RNF2: variants seen among roughly 807,000 people sequenced by gnomAD.
RNF2 encodes E3 ubiquitin-protein ligase RING2.
In RNF2, 6 loss-of-function variants were observed where a neutral mutation model predicts 37.2. That is an observed-to-expected ratio of 0.16 (90% CI 0.09 to 0.32). The LOEUF (loss-of-function observed/expected upper bound fraction) is 0.32, where lower values mean the gene tolerates loss of function less well. RNF2 is among the 10% of genes least tolerant of loss of function. The probability of loss-of-function intolerance (pLI) is 1.00; values close to 1 mark genes in which losing one functional copy is unlikely to be tolerated. For missense variants in RNF2, 251 were observed against 404.0 expected (o/e 0.62, Z 3.25); for synonymous variants, 133 against 132.7 (o/e 1.00, Z -0.02).
chr1:185,083,499 C>T lies in RNF2; in HGVS notation c.-2-4053C>T, dbSNP rs913077946. Among the ~76,000 whole-genome samples the T allele has an allele frequency of 2.0e-4, 30 of 152,088 alleles. 1 individual carries two copies. The highest frequency in any genetic ancestry group is 1.4e-3 in the Admixed American group (22 of 15,264). On this transcript the variant is annotated intron_variant, in intron 1 of 6. Transcript: ENST00000367510. The stretch of plus-strand genomic sequence containing the variant: ...TCTCATGTCTCTCCCCTCCACTCTT[C>T]GCTTTCTCTCTCCTTCCCACTCAGG...
At chr1:185,047,824 T>C (rs899870302) in intron 1 of RNF2, among the ~76,000 whole-genome samples, 10 of 152,194 alleles carry the variant, frequency 6.6e-5, no homozygotes, top group African/African-American at 1.7e-4. Flanking sequence ...ACATCTACAA[T>C]TGGTTTTTAA....
rs917995198 is a variant in RNF2, at chr1:185,102,083, CAG to C, written c.*1787_*1788del. On this transcript the variant is annotated 3_prime_UTR_variant, in exon 7 of 7. Coordinates refer to ENST00000367510, the MANE Select transcript of RNF2 (RefSeq NM_007212.4). ...GATTAATTGAAATTTTGTCTTTAAG[CAG>C]AGAGTTATTTGTGACTATAAGCTTT... is the stretch of plus-strand genomic sequence containing the variant. 18 of 152,476 alleles carry C rather than the reference CAG, an allele frequency of 1.2e-4. 1 individual carries two copies. The highest frequency in any genetic ancestry group is 4.3e-4 in the African/African-American group (18 of 41,472). The allele number at this position is 152,476 out of a possible 1,614,324, so 9.4% of individuals were successfully genotyped here.
chr1:185,072,884 G>A (rs933472463), intron 1 of RNF2, among the ~76,000 whole-genome samples: 3 of 152,108 alleles, frequency 2.0e-5, no homozygotes, highest in African/African-American at 7.2e-5. Flanking sequence ...AAGTTGCAGT[G>A]AGCCGAGATT....
intron 2 of RNF2, among the ~76,000 whole-genome samples, chr1:185,090,477 A>C (rs1159064713): frequency 2.0e-5 from 3 of 152,174 alleles, no homozygotes; most frequent in Non-Finnish European, 4.4e-5. Flanking sequence ...AAAAATGAAA[A>C]TTTTTTATTT....
rs1295869440 is a variant in RNF2 at position 185,100,932 on chromosome 1, AT to A, written c.*635del. On this transcript the variant is annotated 3_prime_UTR_variant, in exon 7 of 7. Coordinates refer to ENST00000367510, the MANE Select transcript of RNF2 (RefSeq NM_007212.4). ...TTTTTTTCCATTCTTTTTCCCTGTA[AT>A]TTTGGAATTTCTGGTCCTGGGAAGA... The A allele has an allele frequency of 6.6e-6, 1 of 151,584 alleles. No individual in the cohort carries two copies. Among genetic ancestry groups the A allele is most frequent in the Non-Finnish European group, 1.5e-5 (1 of 67,800 alleles). 9.4% of individuals were successfully genotyped at this position (151,584 alleles called of 1,614,324 possible). A position where few individuals can be genotyped will look rare whatever the true frequency, so the allele number is the denominator to read the frequency against.
chr1:185,067,960 TG>T (rs1650849280), intron 1 of RNF2, among the ~76,000 whole-genome samples: 1 of 151,596 alleles, frequency 6.6e-6, no homozygotes, highest in Admixed American at 6.6e-5. Context: ...TCACCCGCCT[TG>T]GCCTTCCAAA....
Position 185,088,586 on chromosome 1 carries a change from C to G in RNF2, c.87+946C>G, listed in dbSNP as rs191873340. On this transcript the variant is annotated intron_variant, in intron 2 of 6. Transcript: ENST00000367510. ...AAAAAAAAAGCTAAAGGAAGTATTT[C>G]AAGGAGGATGTAGTTAAAGTGTTTA... Among the ~76,000 whole-genome samples the G allele has an allele frequency of 3.9e-3, 594 of 151,618 alleles. 3 individuals are homozygous for G. Among genetic ancestry groups the G allele is most frequent in the African/African-American group, 0.013 (554 of 41,404 alleles).
Position 185,076,268 on chromosome 1 carries a change from G to GTT in RNF2, c.-2-11245_-2-11244dup, listed in dbSNP as rs71101959. Among the ~76,000 whole-genome samples the GTT allele has an allele frequency of 5.5e-4, 15 of 27,344 alleles. 6 individuals carry two copies. Among genetic ancestry groups the GTT allele is most frequent in the Admixed American group, 7.9e-4 (2 of 2,534 alleles). The allele number at this position is 27,344 out of a possible 152,430, so 17.9% of individuals were successfully genotyped here. ...TTTTCTTCTAGATCTTTTATGGGTTGTTTTTTTTTTTTTTTTTTTTTTTTT... is the reference window on the plus strand; with the variant it reads ...TTTTCTTCTAGATCTTTTATGGGTTGTTTTTTTTTTTTTTTTTTTTTTTTTTT... On this transcript the variant is annotated intron_variant, in intron 1 of 6. Coordinates refer to ENST00000367510, the MANE Select transcript of RNF2 (RefSeq NM_007212.4).
chr1:185,097,330 C>T (rs888049543), intron 4 of RNF2, among the ~76,000 whole-genome samples: 1 of 152,140 alleles, frequency 6.6e-6, no homozygotes, highest in Non-Finnish European at 1.5e-5. Flanking sequence ...GCTGACTTGG[C>T]GGAAGGTCAG....
chr1:185,096,781 A>G (rs946017735), intron 4 of RNF2, among the ~76,000 whole-genome samples: 2 of 150,572 alleles, frequency 1.3e-5, no homozygotes, highest in South Asian at 2.1e-4. Flanking sequence ...GTTATTTAAC[A>G]TACTAGTCAT....
rs1650328865 is a variant in RNF2, at chr1:185,053,455, C to T, written c.-3+7806C>T. Among the ~76,000 whole-genome samples the T allele has an allele frequency of 3.9e-5, 6 of 152,154 alleles. No individual in the cohort carries two copies. In the South Asian group the frequency reaches 8.3e-4, roughly 21 times the overall value. ...GCTCAAGTGATCCTCCCGCCTCAGC[C>T]GCCTTTGTAGCTGAGATTATAGGAG... On this transcript the variant is annotated intron_variant, in intron 1 of 6. Transcript: ENST00000367510.
chr1:185,076,268 G>GTTTTTTTTTTTTTTTTTTTTTTTTTT lies in RNF2; in HGVS notation c.-2-11269_-2-11244dup, dbSNP rs71101959. On this transcript the variant is annotated intron_variant, in intron 1 of 6. Coordinates refer to ENST00000367510, the MANE Select transcript of RNF2 (RefSeq NM_007212.4). ...TTTTCTTCTAGATCTTTTATGGGTTGTTTTTTTTTTTTTTTTTTTTTTTTT... is the reference window on the plus strand; with the variant it reads ...TTTTCTTCTAGATCTTTTATGGGTTGTTTTTTTTTTTTTTTTTTTTTTTTTTTTTTTTTTTTTTTTTTTTTTTTTTT... 4.0e-4 allele frequency among the ~76,000 whole-genome samples: 11 copies of GTTTTTTTTTTTTTTTTTTTTTTTTTT among 27,346 alleles called. 5 individuals are homozygous for GTTTTTTTTTTTTTTTTTTTTTTTTTT. Among genetic ancestry groups the GTTTTTTTTTTTTTTTTTTTTTTTTTT allele is most frequent in the Non-Finnish European group, 6.1e-4 (8 of 13,184 alleles). The allele number at this position is 27,346 out of a possible 152,430, so 17.9% of individuals were successfully genotyped here. A position where few individuals can be genotyped will look rare whatever the true frequency, so the allele number is the denominator to read the frequency against.
intron 1 of RNF2, among the ~76,000 whole-genome samples, chr1:185,075,862 A>G (rs944344377): frequency 6.6e-6 from 1 of 152,246 alleles, no homozygotes; most frequent in African/African-American, 2.4e-5. Flanking sequence ...TCAACTAAAT[A>G]TTAGTCATCT....
At chr1:185,089,685 G>A (rs747017565) in intron 2 of RNF2, among the ~76,000 whole-genome samples, 3 of 152,068 alleles carry the variant, frequency 2.0e-5, no homozygotes, top group Admixed American at 6.5e-5. Context: ...CAGAGAAATG[G>A]AGCAAAAACT....
chr1:185,050,978 G>C (rs1272178277), intron 1 of RNF2, among the ~76,000 whole-genome samples: 1 of 152,154 alleles, frequency 6.6e-6, no homozygotes, highest in Non-Finnish European at 1.5e-5. Context: ...TCCACTCTTT[G>C]TTGTCTTTTT....
At chr1:185,087,426 C>CGG in intron 1 of RNF2, 126 bp from the exon 2 acceptor site, 1 of 733,738 alleles carries the variant, frequency 1.4e-6, no homozygotes, top group East Asian at 2.6e-5. Context: ...CCAAAGTCCC[C>CGG]ACCTCTTAAT....
intron 1 of RNF2, among the ~76,000 whole-genome samples, chr1:185,066,170 T>G (rs1650793537): frequency 6.6e-6 from 1 of 152,238 alleles, no homozygotes; most frequent in Non-Finnish European, 1.5e-5. Context: ...CATCCTTTAC[T>G]GTTGGCCAAA....
At chr1:185,078,914 T>C (rs1166449613) in intron 1 of RNF2, among the ~76,000 whole-genome samples, 1 of 152,076 alleles carries the variant, frequency 6.6e-6, no homozygotes, top group Non-Finnish European at 1.5e-5. Context: ...CATGGTGGTG[T>C]GCACCTGTAA....
At chr1:185,060,407 A>T (rs1420004052) in intron 1 of RNF2, among the ~76,000 whole-genome samples, 1 of 152,196 alleles carries the variant, frequency 6.6e-6, no homozygotes, top group Non-Finnish European at 1.5e-5. Context: ...TCCCTTGTTT[A>T]GAGGTTCCTA....
Sources: allele counts gnomAD v4.1 joint callset (sites outside exome capture counted in the v4.1 genomes callset), GRCh38; gene constraint gnomAD v4.1.1; transcripts MANE v1.5; gene names NCBI Gene and HGNC (gene_info 2026-07-23, HGNC 2026-07-21).